The following MDN1 variants were observed in gnomAD, a reference collection of about 807,000 sequenced individuals.
The protein encoded by MDN1 is midasin.
Under a neutral mutation model 669.2 loss-of-function variants are expected in MDN1, and 266 were observed. The observed-to-expected ratio is 0.40, with a 90% CI of 0.36 to 0.44. MDN1 has a LOEUF of 0.44. Among genes scored for constraint, MDN1 ranks in the 20% least tolerant of loss-of-function variants. The pLI is 1.00. For synonymous variants in MDN1, 2,385 were observed against 2,457.1 expected (o/e 0.97, Z 0.87); for missense variants, 5,940 against 6,754.0 (o/e 0.88, Z 4.22).
At chr6:89,768,333 G>C (rs897436439) in intron 15 of MDN1, among the ~76,000 whole-genome samples, 1 of 152,052 alleles carries the variant, frequency 6.6e-6, no homozygotes, top group Non-Finnish European at 1.5e-5. Context: ...AGTCTCATGA[G>C]ATTAGATGGT....
chr6:89,684,630 CAG>C (rs1811879721), intron 71 of MDN1, among the ~76,000 whole-genome samples: 1 of 152,202 alleles, frequency 6.6e-6, no homozygotes, highest in Non-Finnish European at 1.5e-5. Context: ...GGAACACAAA[CAG>C]ATTTCTGTGG....
intron 55 of MDN1, 70 bp downstream of exon 55, chr6:89,701,488 C>T (rs1429192990): frequency 6.4e-7 from 1 of 1,568,202 alleles, no homozygotes; most frequent in Non-Finnish European, 8.7e-7. Context: ...AATGTCAGTT[C>T]CCAAGTTCCA....
chr6:89,800,051 G>A (rs1274297684), intron 2 of MDN1, among the ~76,000 whole-genome samples: 1 of 151,964 alleles, frequency 6.6e-6, no homozygotes, highest in African/African-American at 2.4e-5. Context: ...GGAGAAAGGG[G>A]ATAAAGGTTA....
In MDN1 at chr6:89,706,056, T is replaced by A; in HGVS notation, c.8148+3A>T. On this transcript the variant is annotated splice_donor_region_variant and intron_variant, in intron 53 of 101. Coordinates refer to ENST00000369393, the MANE Select transcript of MDN1 (RefSeq NM_014611.3). ...AAAAATAAAACAAGATGCAGTTCCT[T>A]ACCTCATTGGCACTGGCATCAGACA... 6.2e-7 allele frequency: 1 copy of A among 1,601,582 alleles called. No individual in the cohort carries two copies. The highest frequency in any genetic ancestry group is 1.1e-5 in the South Asian group (1 of 88,992).
chr6:89,802,742 TC>T lies in MDN1; in HGVS notation c.329+585del, dbSNP rs551753438. The stretch of plus-strand genomic sequence containing the variant: ...GTCCTATTGGTACACAGAATATTAA[TC>T]ATTTTTACAGTGAAAGTTTTAAAAA... On this transcript the variant is annotated intron_variant, in intron 2 of 101. Coordinates refer to ENST00000369393, the MANE Select transcript of MDN1 (RefSeq NM_014611.3). 3.4e-4 allele frequency among the ~76,000 whole-genome samples: 51 copies of T among 152,194 alleles called. 1 individual carries two copies. The highest frequency in any genetic ancestry group is 1.2e-3 in the African/African-American group (50 of 41,534).
intron 9 of MDN1, among the ~76,000 whole-genome samples, chr6:89,782,972 A>C (rs1348676976): frequency 6.6e-6 from 1 of 152,202 alleles, no homozygotes; most frequent in Non-Finnish European, 1.5e-5. Flanking sequence ...TCATAAGCTG[A>C]GGATGTACGT....
At position 89,730,786 on chromosome 6, in the gene MDN1, C is replaced by A. The variant is rs934407956; in HGVS notation, c.5080G>T (p.Ala1694Ser). The A allele has an allele frequency of 8.1e-6, 13 of 1,614,044 alleles. No individual in the cohort carries two copies. The highest frequency in any genetic ancestry group is 6.7e-5 in the Admixed American group (4 of 60,002). The change falls in exon 35 of 102, where the codon GCC becomes TCC. Residue 1694 changes from alanine (A) to serine (S), a missense_variant. Physicochemically the swap from Ala to Ser is moderately conservative, Grantham distance 99. Around this residue, in one of 5 missense-constraint regions of MDN1, gnomAD observed 2,292 missense variants for 2,638.3 expected, o/e 0.87. Transcript: ENST00000369393. The part of the protein sequence containing the change: ...NELKIYDRMK[A>S]KEFTGIDNLW... ...TTATCTATTCCAGTGAATTCTTTGG[C>A]CTTCATTCTGTCATAAATCTTCAAC...
chr6:89,723,147 G>C lies in MDN1; in HGVS notation c.5779-4C>G, dbSNP rs765614490. ...CAACAGTCACTTCATGATCAATCTA[G>C]AAAGAAAACATCCTGATTGGGAAAC... is the stretch of plus-strand genomic sequence containing the variant. On this transcript the variant is annotated splice_region_variant and splice_polypyrimidine_tract_variant and intron_variant, in intron 39 of 101. Transcript: ENST00000369393. 75 of 1,613,448 alleles carry C rather than the reference G, an allele frequency of 4.6e-5. No individual in the cohort carries two copies. The South Asian group carries it at 6.4e-4, about 14-fold the overall frequency.
Position 89,740,338 on chromosome 6 carries a change from CT to C in MDN1, c.4488del (p.Gly1497AlafsTer10), listed in dbSNP as rs1275568383. The C allele has an allele frequency of 3.1e-6, 5 of 1,592,340 alleles. No individual in the cohort carries two copies. Among genetic ancestry groups the C allele is most frequent in the East Asian group, 2.3e-5 (1 of 43,544 alleles). On this transcript the variant is annotated frameshift_variant, in exon 32 of 102. Coordinates refer to ENST00000369393, the MANE Select transcript of MDN1 (RefSeq NM_014611.3). LOFTEE classifies it high-confidence loss of function. ...EVEKSLVLAE[K>X]GSPEDKDSEI... ...TCACTATCCTTGTCCTCTGGACTGC[CT>C]TTTTCAGCTAATACCAGAGACTTTT...
intron 11 of MDN1, among the ~76,000 whole-genome samples, chr6:89,777,457 T>G (rs1409629129): frequency 1.3e-5 from 2 of 152,210 alleles, no homozygotes; most frequent in African/African-American, 2.4e-5. Context: ...TAGTTTAACT[T>G]GGAAGCAAGG....
Position 89,718,623 on chromosome 6 carries a change from T to C in MDN1, c.6326A>G (p.Asp2109Gly). The change falls in exon 43 of 102, where the codon GAT becomes GGT. Residue 2109 changes from aspartate to glycine, a missense_variant. Physicochemically the swap from Asp to Gly is moderately conservative, Grantham distance 94. Coordinates refer to ENST00000369393, the MANE Select transcript of MDN1 (RefSeq NM_014611.3). ...TELLGGFEQV[D>G]LIRPWRRLLE... is the part of the protein sequence containing the mutation. ...CAGCCTCCTCCAAGGTCGTATAAGA[T>C]CAACCTGTAATTTCCAGAGGACATG... The C allele has an allele frequency of 6.2e-7, 1 of 1,613,424 alleles. No homozygotes were observed. The highest frequency in any genetic ancestry group is 8.5e-7 in the Non-Finnish European group (1 of 1,179,444).
At position 89,654,263 on chromosome 6, in the gene MDN1, C is replaced by T; in HGVS notation, c.15562G>A (p.Asp5188Asn). 1 of 1,614,238 alleles carries T rather than the reference C, an allele frequency of 6.2e-7. No homozygotes were observed. The change falls in exon 93 of 102, where the codon GAC becomes AAC. Residue 5188 changes from aspartate (D) to asparagine (N), a missense_variant. This residue lies in a region of MDN1 where 2,280 missense variants were observed against 2,576.3 expected (regional missense o/e 0.88). Coordinates refer to ENST00000369393, the MANE Select transcript of MDN1 (RefSeq NM_014611.3). Reference protein sequence around the residue: ...GKDQEEEEIEDTLMDTEEQEE... With the variant: ...GKDQEEEEIENTLMDTEEQEE... ...TGCTCCTCTGTGTCCATAAGGGTGT[C>T]CTCTATCTCCTCCTCTTCCTGATCT...
chr6:89,693,518 T>A (rs1562099411), intron 62 of MDN1, among the ~76,000 whole-genome samples: 1 of 152,170 alleles, frequency 6.6e-6, no homozygotes. Flanking sequence ...ACTCAGAACC[T>A]ACTACACTAT....
chr6:89,695,956 G>T lies in MDN1; in HGVS notation c.9420C>A (p.Phe3140Leu), dbSNP rs753307574. The T allele has an allele frequency of 5.0e-6, 8 of 1,611,174 alleles. No individual in the cohort carries two copies. Among genetic ancestry groups the T allele is most frequent in the South Asian group, 3.3e-5 (3 of 90,970 alleles). Reference protein sequence around the residue: ...TDSQLQGQVLFRHLAGLAELL... With the variant: ...TDSQLQGQVLLRHLAGLAELL... The stretch of plus-strand genomic sequence containing the variant: ...GCTCTGCTAGGCCTGCCAGGTGCCG[G>T]AACAGCACCTGCCCCTGGAGTTGGG... Residue 3140 changes from phenylalanine to leucine, a missense_variant, in exon 61 of 102, where the codon TTC becomes TTA. Transcript: ENST00000369393. The surrounding 1 kb of genome is among the most constrained non-coding windows in gnomAD (Gnocchi z 4.1).
At chr6:89,647,111 T>A (rs1257550370) in intron 99 of MDN1, among the ~76,000 whole-genome samples, 1 of 152,158 alleles carries the variant, frequency 6.6e-6, no homozygotes, top group Non-Finnish European at 1.5e-5. Flanking sequence ...CAAGCACAGG[T>A]GAGACGTTTC....
At chr6:89,645,792 G>A (rs1006563353) in intron 100 of MDN1, among the ~76,000 whole-genome samples, 5 of 152,190 alleles carry the variant, frequency 3.3e-5, no homozygotes, top group Non-Finnish European at 5.9e-5. Flanking sequence ...GGCTGTTTTA[G>A]CAAATGTTGA....
chr6:89,672,380 G>C lies in MDN1; in HGVS notation c.13631-17C>G, dbSNP rs183004811. 6.1e-5 allele frequency: 99 copies of C among 1,610,050 alleles called. No individual in the cohort carries two copies. In the African/African-American group the frequency reaches 1.2e-3, roughly 19 times the overall value. ...CAAAGCCTGCTGCCTCATTCATTCAGAGAAAATAACAACATGATGAATAAC... is the reference window on the plus strand; with the variant it reads ...CAAAGCCTGCTGCCTCATTCATTCACAGAAAATAACAACATGATGAATAAC... On this transcript the variant is annotated splice_polypyrimidine_tract_variant and intron_variant, in intron 81 of 101. Transcript: ENST00000369393.
At position 89,683,894 on chromosome 6, in the gene MDN1, T is replaced by C; in HGVS notation, c.11840A>G (p.Lys3947Arg). ...GCTGACATCATTCCACTTGGAAATC[T>C]TAACAAATTCCTGTAAGATAAATGA... is the stretch of plus-strand genomic sequence containing the variant. ...PLEKELKEFV[K>R]ISKWNDVSFW... The change falls in exon 72 of 102, where the codon AAG becomes AGG. Residue 3947 changes from lysine to arginine, a missense_variant. Transcript: ENST00000369393. 1 of 1,612,298 alleles carries C rather than the reference T, an allele frequency of 6.2e-7. No homozygotes were observed. The highest frequency in any genetic ancestry group is 8.5e-7 in the Non-Finnish European group (1 of 1,178,620).
chr6:89,747,265 G>T (rs1339071972), intron 27 of MDN1, 64 bp downstream of exon 27: 3 of 1,561,044 alleles, frequency 1.9e-6, no homozygotes, highest in Admixed American at 1.9e-5. Context: ...GGCAAGATTT[G>T]TTTTAATAAA....
Sources: gnomAD v4.1 joint callset for allele counts (sites outside exome capture counted in the v4.1 genomes callset) on GRCh38, gnomAD v4.1.1 for gene constraint, gnomAD v4.1.1 regional missense constraint, Gnocchi (gnomAD v3.1) non-coding constraint, MANE v1.5 for transcripts, NCBI Gene and HGNC (gene_info 2026-07-23, HGNC 2026-07-21) for gene names.